The following ASAP2 variants were observed in gnomAD, a reference collection of about 807,000 sequenced individuals.
ASAP2 encodes the protein ArfGAP with SH3 domain, ankyrin repeat and PH domain 2.
In ASAP2, 45 loss-of-function variants were observed where a neutral mutation model predicts 131.4. That is an observed-to-expected ratio of 0.34 (90% CI 0.27 to 0.44). The LOEUF (loss-of-function observed/expected upper bound fraction) is 0.44, where lower values mean the gene tolerates loss of function less well. ASAP2 is among the 20% of genes least tolerant of loss of function. The pLI, the probability that ASAP2 is intolerant of heterozygous loss-of-function variation, is 1.00. For synonymous variants in ASAP2, 510 were observed against 503.0 expected, an observed-to-expected ratio of 1.01 and a Z score of -0.19; for missense variants, 1,011 against 1,297.0, an observed-to-expected ratio of 0.78 and a Z score of 3.39.
chr2:9,383,411 C>T (rs1435024266), intron 20 of ASAP2, among the ~76,000 whole-genome samples: 2 of 152,014 alleles, frequency 1.3e-5, no homozygotes, highest in African/African-American at 2.4e-5. Flanking sequence ...CATGCCACCA[C>T]GCCTGGCTAA....
chr2:9,372,492 C>A (rs1391850912), intron 16 of ASAP2, among the ~76,000 whole-genome samples: 1 of 152,114 alleles, frequency 6.6e-6, no homozygotes, highest in East Asian at 1.9e-4. Flanking sequence ...CCAGTTTTAC[C>A]CTATGCCAAT....
intron 1 of ASAP2, among the ~76,000 whole-genome samples, chr2:9,235,522 G>A (rs1663488130): frequency 6.6e-6 from 1 of 152,188 alleles, no homozygotes. Context: ...TATGGCCGGA[G>A]GCTCCTTGGT....
At chr2:9,258,854 G>A (rs1665368258) in intron 1 of ASAP2, among the ~76,000 whole-genome samples, 1 of 152,214 alleles carries the variant, frequency 6.6e-6, no homozygotes, top group Non-Finnish European at 1.5e-5. Flanking sequence ...AAACATAGCA[G>A]CATTACATGT....
intron 16 of ASAP2, 86 bp downstream of exon 16, chr2:9,368,605 G>C (rs983431073): frequency 4.4e-6 from 5 of 1,139,932 alleles, no homozygotes; most frequent in Non-Finnish European, 6.6e-6. Context: ...AAGAAGTTTT[G>C]GGTGCATCCA....
intron 3 of ASAP2, among the ~76,000 whole-genome samples, chr2:9,306,733 T>C (rs550525227): frequency 3.9e-5 from 6 of 152,042 alleles, no homozygotes; most frequent in Non-Finnish European, 8.8e-5. Context: ...CATGTGCTTG[T>C]TTGCATTCCT....
chr2:9,402,531 CCA>C (rs1407513712), intron 27 of ASAP2, among the ~76,000 whole-genome samples: 2 of 152,198 alleles, frequency 1.3e-5, no homozygotes, highest in African/African-American at 4.8e-5. Flanking sequence ...CAGCCAGCTC[CCA>C]CAGTTGCCCA....
chr2:9,323,786 C>T (rs148670017), intron 6 of ASAP2, among the ~76,000 whole-genome samples: 6 of 152,338 alleles, frequency 3.9e-5, no homozygotes, highest in African/African-American at 1.4e-4. Flanking sequence ...CTCTCTGCTC[C>T]ACTCCATTCC....
chr2:9,368,305 C>G, intron 15 of ASAP2, 120 bp from the exon 16 acceptor site: 1 of 907,412 alleles, frequency 1.1e-6, no homozygotes, highest in Admixed American at 2.2e-5. Flanking sequence ...TAAAGGCAAA[C>G]CACTTTATTG....
intron 16 of ASAP2, among the ~76,000 whole-genome samples, chr2:9,370,381 C>G (rs1210762546): frequency 6.6e-6 from 1 of 152,146 alleles, no homozygotes; most frequent in African/African-American, 2.4e-5. Flanking sequence ...TTTGTGGTGT[C>G]GCATTTCCTT....
chr2:9,221,237 A>T (rs937969186), intron 1 of ASAP2, among the ~76,000 whole-genome samples: 6 of 152,092 alleles, frequency 3.9e-5, no homozygotes, highest in Non-Finnish European at 8.8e-5. Context: ...ACTGTAGTTC[A>T]ATTTGGGGAG....
At chr2:9,394,159 C>CTTTTT (rs71389241) in intron 24 of ASAP2, among the ~76,000 whole-genome samples, 21 of 81,736 alleles carry the variant, frequency 2.6e-4, no homozygotes, top group Non-Finnish European at 3.6e-4. Flanking sequence ...TAGTTTGTGG[C>CTTTTT]TTTTTTTTTT....
chr2:9,242,019 G>T (rs1246293914), intron 1 of ASAP2, among the ~76,000 whole-genome samples: 1 of 152,188 alleles, frequency 6.6e-6, no homozygotes, highest in African/African-American at 2.4e-5. Context: ...TGGGCAAGTT[G>T]GTTAGCTTCT....
At chr2:9,265,248 A>G (rs894305380) in intron 1 of ASAP2, among the ~76,000 whole-genome samples, 5 of 152,286 alleles carry the variant, frequency 3.3e-5, no homozygotes, top group Non-Finnish European at 5.9e-5. Context: ...GATTTAAAGC[A>G]TGTGGGAGGA....
intron 1 of ASAP2, among the ~76,000 whole-genome samples, chr2:9,229,249 C>T (rs1314506885): frequency 1.3e-5 from 2 of 152,132 alleles, no homozygotes; most frequent in Admixed American, 1.3e-4. Context: ...GGCAGGTGGC[C>T]GGTGCTGCTT....
At chr2:9,375,023 TACTTC>T (rs1674286919) in intron 17 of ASAP2, 79 bp downstream of exon 17, 2 of 1,365,584 alleles carry the variant, frequency 1.5e-6, no homozygotes, top group South Asian at 1.5e-5. Flanking sequence ...TCCAGTACTT[TACTTC>T]AGGAGGCCAA....
At chr2:9,307,365 G>C (rs1572408122) in intron 3 of ASAP2, among the ~76,000 whole-genome samples, 1 of 152,220 alleles carries the variant, frequency 6.6e-6, no homozygotes, top group African/African-American at 2.4e-5. Context: ...GAGACTTCAG[G>C]TGCCCCAGGT....
chr2:9,269,403 G>A (rs1004485295), intron 1 of ASAP2, among the ~76,000 whole-genome samples: 2 of 152,196 alleles, frequency 1.3e-5, no homozygotes, highest in Admixed American at 1.3e-4. Flanking sequence ...GGCCGTGTGT[G>A]CCCACCCTGA....
intron 1 of ASAP2, among the ~76,000 whole-genome samples, chr2:9,263,989 C>T (rs1047977301): frequency 5.3e-5 from 8 of 151,976 alleles, no homozygotes; most frequent in Non-Finnish European, 1.2e-4. Context: ...GTCAGGAGTT[C>T]AATACCAGCC....
intron 1 of ASAP2, among the ~76,000 whole-genome samples, chr2:9,234,562 A>C (rs1663405898): frequency 6.6e-6 from 1 of 152,218 alleles, no homozygotes; most frequent in Non-Finnish European, 1.5e-5. Flanking sequence ...GGGAGGGGAC[A>C]GATGGGACAT....
Sources: gnomAD v4.1 joint callset for allele counts (sites outside exome capture counted in the v4.1 genomes callset) on GRCh38, gnomAD v4.1.1 for gene constraint, MANE v1.5 for transcripts, NCBI Gene and HGNC (gene_info 2026-07-23, HGNC 2026-07-21) for gene names.